The following RIMS2 variants were observed in gnomAD, a reference collection of about 807,000 sequenced individuals.
RIMS2 encodes the protein regulating synaptic membrane exocytosis 2, also known as regulating synaptic membrane exocytosis protein 2.
RIMS2 carries 59 observed loss-of-function variants against 174.4 expected under a neutral mutation model. The ratio of observed to expected loss-of-function variants is 0.34; its 90% CI spans 0.27 to 0.42. RIMS2 has a LOEUF of 0.42. Ranked by LOEUF, RIMS2 falls within the 10% of genes least tolerant of loss-of-function variation. RIMS2 has a pLI of 1.00. For synonymous variants in RIMS2, 606 were observed against 572.5 expected (o/e 1.06, Z -0.84); for missense variants, 1,620 against 1,666.3 (o/e 0.97, Z 0.48).
At chr8:104,075,271 G>T (rs2097268091) in intron 19 of RIMS2, among the ~76,000 whole-genome samples, 1 of 152,176 alleles carries the variant, frequency 6.6e-6, no homozygotes, top group African/African-American at 2.4e-5. Context: ...AGAACAAGAG[G>T]ATTCTAATAG....
At chr8:104,174,035 C>G (rs2098850296) in intron 19 of RIMS2, among the ~76,000 whole-genome samples, 1 of 151,760 alleles carries the variant, frequency 6.6e-6, no homozygotes, top group Non-Finnish European at 1.5e-5. Context: ...CAATCTCTGC[C>G]TCCTTGGTTC....
chr8:103,979,326 A>G (rs2093696300), intron 16 of RIMS2, among the ~76,000 whole-genome samples: 1 of 152,174 alleles, frequency 6.6e-6, no homozygotes, highest in Admixed American at 6.5e-5. Flanking sequence ...AAATAATATG[A>G]GATGGCAAGG....
At chr8:104,174,983 C>A (rs2098869657) in intron 19 of RIMS2, among the ~76,000 whole-genome samples, 1 of 152,032 alleles carries the variant, frequency 6.6e-6, no homozygotes, top group Non-Finnish European at 1.5e-5. Context: ...AAGTCTTAAG[C>A]CAAAATAGTG....
chr8:104,057,745 A>G (rs1490506442), intron 19 of RIMS2, among the ~76,000 whole-genome samples: 1 of 110,314 alleles, frequency 9.1e-6, no homozygotes, highest in Non-Finnish European at 1.7e-5. Context: ...CAGTCCCCAG[A>G]GTGTGATGTT....
intron 2 of RIMS2, among the ~76,000 whole-genome samples, chr8:103,699,033 T>TA (rs2097139194): frequency 1.3e-5 from 2 of 152,192 alleles, no homozygotes; most frequent in South Asian, 4.1e-4. Flanking sequence ...TTAATGGATA[T>TA]AGGGTTATTC....
intron 3 of RIMS2, among the ~76,000 whole-genome samples, chr8:103,799,875 T>A (rs563380750): frequency 6.6e-6 from 1 of 152,314 alleles, no homozygotes; most frequent in South Asian, 2.1e-4. Flanking sequence ...AAATTTATAG[T>A]TTGTGCTCTT....
chr8:103,984,547 T>C (rs890879225), intron 16 of RIMS2, among the ~76,000 whole-genome samples: 2 of 152,100 alleles, frequency 1.3e-5, no homozygotes, highest in Non-Finnish European at 2.9e-5. Flanking sequence ...CCTAAAACAA[T>C]AACAAATGCT....
At chr8:103,702,749 CT>C (rs1447569344) in intron 2 of RIMS2, among the ~76,000 whole-genome samples, 1 of 151,036 alleles carries the variant, frequency 6.6e-6, no homozygotes, top group Non-Finnish European at 1.5e-5. Context: ...ATTCTCTGTT[CT>C]TTTCCCTGGG....
intron 10 of RIMS2, among the ~76,000 whole-genome samples, chr8:103,923,085 A>G (rs1022001546): frequency 4.6e-5 from 7 of 151,876 alleles, no homozygotes; most frequent in African/African-American, 1.7e-4. Flanking sequence ...GCATCTTTCT[A>G]CTTATTCTTA....
chr8:103,913,450 A>G (rs1332152621), intron 6 of RIMS2, among the ~76,000 whole-genome samples: 2 of 152,014 alleles, frequency 1.3e-5, no homozygotes, highest in Non-Finnish European at 2.9e-5. Flanking sequence ...AAAAAAGTAA[A>G]TGTTTTAGAG....
chr8:103,527,289 C>G (rs1011699672), intron 1 of RIMS2, among the ~76,000 whole-genome samples: 3 of 152,146 alleles, frequency 2.0e-5, no homozygotes, highest in African/African-American at 7.2e-5. Flanking sequence ...TCCAAGACCC[C>G]TTGCAGATAC....
intron 19 of RIMS2, among the ~76,000 whole-genome samples, chr8:104,219,169 G>A (rs1007319368): frequency 4.6e-5 from 7 of 152,186 alleles, no homozygotes; most frequent in African/African-American, 1.7e-4. Flanking sequence ...TATTTTTAAA[G>A]ATTATGGATT....
chr8:104,041,787 A>G (rs2096613191), intron 19 of RIMS2, among the ~76,000 whole-genome samples: 1 of 151,704 alleles, frequency 6.6e-6, no homozygotes, highest in African/African-American at 2.4e-5. Context: ...GGAGAATACC[A>G]AAGACCTAAT....
intron 19 of RIMS2, chr8:104,148,643 C>T: frequency 6.3e-7 from 1 of 1,597,882 alleles, no homozygotes; most frequent in Non-Finnish European, 8.5e-7. Flanking sequence ...GACAAATGGG[C>T]ATATCAGGGA....
intron 2 of RIMS2, among the ~76,000 whole-genome samples, chr8:103,764,610 T>C (rs1408746571): frequency 1.3e-5 from 2 of 152,170 alleles, no homozygotes; most frequent in Non-Finnish European, 2.9e-5. Flanking sequence ...GCATGTTCTT[T>C]TTAATTTCAG....
At chr8:104,236,177 A>G (rs541299634) in intron 19 of RIMS2, among the ~76,000 whole-genome samples, 1 of 152,084 alleles carries the variant, frequency 6.6e-6, no homozygotes, top group Non-Finnish European at 1.5e-5. Flanking sequence ...TAAACTTTAT[A>G]TAGTCCATCG....
chr8:103,756,439 T>TC (rs201380841), intron 2 of RIMS2, among the ~76,000 whole-genome samples: 21,294 of 121,968 alleles, frequency 0.17, 1,570 homozygotes, highest in Middle Eastern at 0.25. Context: ...TTTCTTTCTT[T>TC]TTTTTTTTCT....
At chr8:104,223,319 G>A (rs1239833558) in intron 19 of RIMS2, 22 of 1,005,020 alleles carry the variant, frequency 2.2e-5, no homozygotes, top group Non-Finnish European at 2.5e-5. Flanking sequence ...CTCCCTGCGC[G>A]GGGAGGGCAG....
chr8:104,129,895 G>A (rs1457299858), intron 19 of RIMS2, among the ~76,000 whole-genome samples: 4 of 152,118 alleles, frequency 2.6e-5, no homozygotes, highest in East Asian at 3.8e-4. Context: ...GTGTTAATTG[G>A]TTGACATCTA....
Sources: allele counts gnomAD v4.1 joint callset (sites outside exome capture counted in the v4.1 genomes callset), GRCh38; gene constraint gnomAD v4.1.1; transcripts MANE v1.5; gene names NCBI Gene and HGNC (gene_info 2026-07-23, HGNC 2026-07-21).